FUT9: variants seen among roughly 807,000 people sequenced by gnomAD.
The protein encoded by FUT9 is fucosyltransferase 9, also known as 4-galactosyl-N-acetylglucosaminide 3-alpha-L-fucosyltransferase 9.
A neutral mutation model predicts 29.7 loss-of-function variants in FUT9; 15 were observed. The ratio of observed to expected loss-of-function variants is 0.51; its 90% CI spans 0.34 to 0.78. The LOEUF is 0.78. Ranked by LOEUF, FUT9 falls within the 30% of genes least tolerant of loss-of-function variation. FUT9 has a pLI of 0.01. For missense variants in FUT9, 319 were observed against 425.4 expected (o/e 0.75, Z 2.20); for synonymous variants, 169 against 153.7 (o/e 1.10, Z -0.74).
In FUT9 at chr6:96,156,913, A is replaced by G. The variant is rs549644127; in HGVS notation, c.-9+42786A>G. ...TACAAATTATGACTGCCTATACATAAAAAACAGAAGCATGTTACCATGAAA... is the reference window on the plus strand; with the variant it reads ...TACAAATTATGACTGCCTATACATAGAAAACAGAAGCATGTTACCATGAAA... On this transcript the variant is annotated intron_variant, in intron 2 of 2. Transcript: ENST00000302103. Among the ~76,000 whole-genome samples, 16 of 152,366 alleles carry G rather than the reference A, an allele frequency of 1.1e-4. No homozygotes were observed. The South Asian group carries it at 3.3e-3, about 32-fold the overall frequency.
chr6:96,016,162 C>T lies in FUT9; in HGVS notation c.-148C>T. 6.5e-6 allele frequency: 1 copy of T among 154,410 alleles called. No homozygotes were observed. The allele number at this position is 154,410 out of a possible 1,614,324, so 9.6% of individuals were successfully genotyped here. ...GCCGCCTGGCCCTGCCTGCCTCCTGCGCCGCGCAGCCCTCGCGAGCGCCCC... is the reference window on the plus strand; with the variant it reads ...GCCGCCTGGCCCTGCCTGCCTCCTGTGCCGCGCAGCCCTCGCGAGCGCCCC... On this transcript the variant is annotated 5_prime_UTR_variant, in exon 1 of 3. Transcript: ENST00000302103.
intron 2 of FUT9, among the ~76,000 whole-genome samples, chr6:96,149,500 A>G (rs1772637635): frequency 6.6e-6 from 1 of 152,220 alleles, no homozygotes; most frequent in Non-Finnish European, 1.5e-5. Context: ...CTAGAGAAGT[A>G]CTGCAATTTC....
intron 1 of FUT9, among the ~76,000 whole-genome samples, chr6:96,047,915 A>G (rs1770592408): frequency 6.6e-6 from 1 of 152,216 alleles, no homozygotes; most frequent in African/African-American, 2.4e-5. Flanking sequence ...TCTTACAGTT[A>G]TCTAAGTCAG....
intron 2 of FUT9, among the ~76,000 whole-genome samples, chr6:96,151,757 C>CGTA (rs1163032504): frequency 2.0e-5 from 3 of 152,152 alleles, no homozygotes; most frequent in Non-Finnish European, 4.4e-5. Flanking sequence ...CTAAGGAATA[C>CGTA]TTTACCCTTT....
rs528058393 is a variant in FUT9, at chr6:96,075,562, C to T, written c.-97-38477C>T. ...GTTACTTATGTATAACTTTTTATTT[C>T]CTTAACTTTTAATAATTCATTCATT... On this transcript the variant is annotated intron_variant, in intron 1 of 2. Coordinates refer to ENST00000302103, the MANE Select transcript of FUT9 (RefSeq NM_006581.4). Among the ~76,000 whole-genome samples, 5 of 152,136 alleles carry T rather than the reference C, an allele frequency of 3.3e-5. No homozygotes were observed. In the South Asian group the frequency reaches 1.0e-3, roughly 32 times the overall value.
intron 2 of FUT9, among the ~76,000 whole-genome samples, chr6:96,115,721 A>G (rs545065779): frequency 9.1e-4 from 139 of 152,340 alleles, no homozygotes; most frequent in African/African-American, 3.2e-3. Flanking sequence ...AAAGGAGCAC[A>G]TGACTTTAAA....
intron 2 of FUT9, among the ~76,000 whole-genome samples, chr6:96,146,745 T>C (rs375762667): frequency 2.6e-5 from 4 of 152,314 alleles, no homozygotes; most frequent in African/African-American, 7.2e-5. Context: ...AAAGTTTTGT[T>C]TTATTGTAAA....
chr6:96,197,097 C>A (rs187214767), intron 2 of FUT9, among the ~76,000 whole-genome samples: 4 of 152,186 alleles, frequency 2.6e-5, no homozygotes, highest in African/African-American at 9.6e-5. Context: ...GCTTCTGAGG[C>A]CTTTGCTAAC....
intron 2 of FUT9, among the ~76,000 whole-genome samples, chr6:96,127,247 T>C (rs1772150538): frequency 6.6e-6 from 1 of 152,192 alleles, no homozygotes; most frequent in South Asian, 2.1e-4. Flanking sequence ...TGTGTACATG[T>C]GTACTCAGTG....
In FUT9 at chr6:96,211,258, T is replaced by A. The variant is rs1282269056; in HGVS notation, c.*7023T>A. The A allele has an allele frequency of 6.0e-6, 1 of 166,708 alleles. No homozygotes were observed. The highest frequency in any genetic ancestry group is 1.5e-5 in the Non-Finnish European group (1 of 67,984). 10.3% of individuals were successfully genotyped at this position (166,708 alleles called of 1,614,324 possible). On this transcript the variant is annotated 3_prime_UTR_variant, in exon 3 of 3. Coordinates refer to ENST00000302103, the MANE Select transcript of FUT9 (RefSeq NM_006581.4). ...TAAATATATATACCATTTCTTAAGA[T>A]AATTGGAACTCAAGCAGTCCTAATT...
At chr6:96,139,936 C>T (rs552714739) in intron 2 of FUT9, among the ~76,000 whole-genome samples, 1 of 152,300 alleles carries the variant, frequency 6.6e-6, no homozygotes, top group African/African-American at 2.4e-5. Flanking sequence ...TATTTGGCTT[C>T]TCATTACTTA....
At chr6:96,170,761 T>C (rs981946806) in intron 2 of FUT9, among the ~76,000 whole-genome samples, 1 of 152,194 alleles carries the variant, frequency 6.6e-6, no homozygotes, top group Non-Finnish European at 1.5e-5. Context: ...TCTCCATTCA[T>C]ACAACATATT....
At chr6:96,101,309 T>C (rs9390849) in intron 1 of FUT9, among the ~76,000 whole-genome samples, 138,874 of 152,002 alleles carry the variant, frequency 0.91, 64,453 homozygotes, top group East Asian at 1. Context: ...GAGGCCAAGG[T>C]GGGTGGATCA....
At chr6:96,120,269 C>CTTTTT (rs11347804) in intron 2 of FUT9, among the ~76,000 whole-genome samples, 112 of 91,470 alleles carry the variant, frequency 1.2e-3, no homozygotes, top group East Asian at 2.9e-3. Context: ...TTTTTTCTTT[C>CTTTTT]TTTTTTTTTT....
intron 1 of FUT9, among the ~76,000 whole-genome samples, chr6:96,069,312 C>T (rs1771013898): frequency 1.1e-5 from 1 of 87,902 alleles, no homozygotes; most frequent in Non-Finnish European, 2.6e-5. Context: ...CAGAGCATGA[C>T]TCCATCTCAA....
At chr6:96,111,828 C>T (rs1411604350) in intron 1 of FUT9, among the ~76,000 whole-genome samples, 1 of 151,862 alleles carries the variant, frequency 6.6e-6, no homozygotes, top group Non-Finnish European at 1.5e-5. Context: ...TGTTTGGGAG[C>T]CAATATATAT....
chr6:96,191,773 AG>A (rs1414252111), intron 2 of FUT9, among the ~76,000 whole-genome samples: 1 of 150,058 alleles, frequency 6.7e-6, no homozygotes, highest in Non-Finnish European at 1.5e-5. Flanking sequence ...GAGACACAAC[AG>A]AAAAAGAACA....
chr6:96,040,260 A>G (rs2127932130), intron 1 of FUT9, among the ~76,000 whole-genome samples: 1 of 152,286 alleles, frequency 6.6e-6, no homozygotes, highest in East Asian at 1.9e-4. Flanking sequence ...AACACATTCT[A>G]TTTGAGGCAC....
chr6:96,051,315 T>C (rs1270428161), intron 1 of FUT9, among the ~76,000 whole-genome samples: 1 of 152,166 alleles, frequency 6.6e-6, no homozygotes, highest in Non-Finnish European at 1.5e-5. Flanking sequence ...TGATTCTTGA[T>C]AATATAGATA....
Sources: gnomAD v4.1 joint callset for allele counts (sites outside exome capture counted in the v4.1 genomes callset) on GRCh38, gnomAD v4.1.1 for gene constraint, MANE v1.5 for transcripts, NCBI Gene and HGNC (gene_info 2026-07-23, HGNC 2026-07-21) for gene names.